The following GRID2 variants were observed in gnomAD, a reference collection of about 807,000 sequenced individuals.
GRID2 encodes the protein glutamate receptor ionotropic, delta-2.
A neutral mutation model predicts 114.8 loss-of-function variants in GRID2; 33 were observed. The ratio of observed to expected loss-of-function variants is 0.29; its 90% confidence interval spans 0.22 to 0.38. The LOEUF (loss-of-function observed/expected upper bound fraction) is 0.38, where lower values mean the gene tolerates loss of function less well. GRID2 is among the 10% of genes least tolerant of loss of function. The pLI is 1.00. For synonymous variants in GRID2, 505 were observed against 449.9 expected, an observed-to-expected ratio of 1.12 and a Z score of -1.55; for missense variants, 1,184 against 1,257.7, an observed-to-expected ratio of 0.94 and a Z score of 0.89.
chr4:92,560,498 G>A lies in GRID2; in HGVS notation c.89-29633G>A, dbSNP rs115099361. Among the ~76,000 whole-genome samples the A allele has an allele frequency of 4.6e-3, 702 of 152,192 alleles. 1 individual carries two copies. The highest frequency in any genetic ancestry group is 7.7e-3 in the Non-Finnish European group (522 of 68,008). On this transcript the variant is annotated intron_variant, in intron 1 of 15. Coordinates refer to ENST00000282020, the MANE Select transcript of GRID2 (RefSeq NM_001510.4). Reference sequence around the variant, plus strand: ...AAAAGGGGAGACTGAATATTACATTGAGGATGAACTGCAAAATACTAAAGT... The same window carrying A: ...AAAAGGGGAGACTGAATATTACATTAAGGATGAACTGCAAAATACTAAAGT...
intron 2 of GRID2, among the ~76,000 whole-genome samples, chr4:92,698,890 A>G (rs1734540876): frequency 6.6e-6 from 1 of 152,172 alleles, no homozygotes; most frequent in African/African-American, 2.4e-5. Context: ...AACTACGTAC[A>G]GAATATAGAA....
At chr4:92,932,329 C>G (rs568053985) in intron 2 of GRID2, among the ~76,000 whole-genome samples, 20 of 151,286 alleles carry the variant, frequency 1.3e-4, no homozygotes, top group African/African-American at 3.4e-4. Context: ...ATTAAAACCA[C>G]AAGATAAGGT....
intron 2 of GRID2, among the ~76,000 whole-genome samples, chr4:93,039,741 G>A (rs951599314): frequency 5.3e-5 from 8 of 151,928 alleles, no homozygotes; most frequent in East Asian, 1.9e-4. Context: ...CTCAAATCCC[G>A]GCTCATACTA....
chr4:93,367,193 T>A (rs1382826985), intron 8 of GRID2, among the ~76,000 whole-genome samples: 2 of 139,610 alleles, frequency 1.4e-5, no homozygotes, highest in African/African-American at 5.0e-5. Context: ...GCTTTATTTT[T>A]TTTTTTTTAA....
intron 2 of GRID2, among the ~76,000 whole-genome samples, chr4:92,912,643 A>T (rs1265805543): frequency 6.6e-6 from 1 of 151,898 alleles, no homozygotes; most frequent in African/African-American, 2.4e-5. Context: ...TTTTAACATT[A>T]TTCTGATTTT....
chr4:93,089,093 G>A (rs1730567625), intron 3 of GRID2, among the ~76,000 whole-genome samples: 2 of 152,068 alleles, frequency 1.3e-5, no homozygotes, highest in South Asian at 4.1e-4. Flanking sequence ...AGCTGAAGTA[G>A]TGGGAGGTCA....
At chr4:92,949,553 G>A (rs745619294) in intron 2 of GRID2, among the ~76,000 whole-genome samples, 1 of 151,590 alleles carries the variant, frequency 6.6e-6, no homozygotes, top group Admixed American at 6.6e-5. Context: ...GGAGCTAAAT[G>A]TGCCTCCACT....
At chr4:93,440,594 A>G (rs1040302982) in intron 10 of GRID2, among the ~76,000 whole-genome samples, 7 of 152,164 alleles carry the variant, frequency 4.6e-5, no homozygotes, top group Admixed American at 3.3e-4. Flanking sequence ...AAACTAAAAT[A>G]TAGATATGGG....
At chr4:93,046,079 A>G (rs1726108579) in intron 2 of GRID2, among the ~76,000 whole-genome samples, 1 of 152,140 alleles carries the variant, frequency 6.6e-6, no homozygotes, top group South Asian at 2.1e-4. Context: ...GGTCATTAAT[A>G]GAAAATGAAC....
intron 14 of GRID2, among the ~76,000 whole-genome samples, chr4:93,758,950 G>A (rs570354250): frequency 1.8e-4 from 28 of 151,694 alleles, no homozygotes; most frequent in African/African-American, 6.0e-4. Context: ...CACCAAAAGC[G>A]TTCTCTTTCC....
chr4:92,849,306 G>T (rs1279122753), intron 2 of GRID2, among the ~76,000 whole-genome samples: 2 of 151,832 alleles, frequency 1.3e-5, no homozygotes, highest in Non-Finnish European at 1.5e-5. Context: ...TATCTGCAGG[G>T]CCTGGTTTCT....
At chr4:92,764,997 C>A (rs979902564) in intron 2 of GRID2, among the ~76,000 whole-genome samples, 3 of 152,042 alleles carry the variant, frequency 2.0e-5, no homozygotes, top group Non-Finnish European at 4.4e-5. Context: ...ATAACTCATT[C>A]CCTCTTTATA....
chr4:92,489,823 G>A (rs1371388765), intron 1 of GRID2, among the ~76,000 whole-genome samples: 1 of 151,012 alleles, frequency 6.6e-6, no homozygotes, highest in East Asian at 1.9e-4. Context: ...TCCAGCCTGG[G>A]CGATAGAGCG....
At chr4:93,284,008 G>T (rs951693206) in intron 8 of GRID2, among the ~76,000 whole-genome samples, 9 of 151,946 alleles carry the variant, frequency 5.9e-5, no homozygotes, top group African/African-American at 1.5e-4. Flanking sequence ...AGGTTTCACT[G>T]TTCATTACTT....
At chr4:93,253,381 T>C (rs1371567342) in intron 8 of GRID2, among the ~76,000 whole-genome samples, 6 of 152,162 alleles carry the variant, frequency 3.9e-5, no homozygotes, top group Admixed American at 2.6e-4. Context: ...AAAAAGAACA[T>C]TTAAAAATTA....
At chr4:92,494,588 G>C (rs911798157) in intron 1 of GRID2, among the ~76,000 whole-genome samples, 3 of 152,066 alleles carry the variant, frequency 2.0e-5, no homozygotes, top group Admixed American at 6.6e-5. Flanking sequence ...AGTTGGGCAA[G>C]GTTACCAGGA....
intron 14 of GRID2, among the ~76,000 whole-genome samples, chr4:93,659,134 T>C (rs1723265523): frequency 6.6e-6 from 1 of 151,858 alleles, no homozygotes; most frequent in Non-Finnish European, 1.5e-5. Context: ...TTACCAGGCT[T>C]CCAAGTTTTG....
In GRID2 at chr4:92,682,792, TG is replaced by T. The variant is rs1733713080; in HGVS notation, c.244+92509del. 2.0e-5 allele frequency among the ~76,000 whole-genome samples: 3 copies of T among 151,986 alleles called. No individual in the cohort carries two copies. In the South Asian group the frequency reaches 6.2e-4, roughly 32 times the overall value. On this transcript the variant is annotated intron_variant, in intron 2 of 15. Transcript: ENST00000282020. ...GTGGAATGAAAACTTGGAAGGCACCTGGGTTATTGAGGACATCCTTATGTCA... is the reference window on the plus strand; with the variant it reads ...GTGGAATGAAAACTTGGAAGGCACCTGGTTATTGAGGACATCCTTATGTCA...
intron 9 of GRID2, 53 bp from the exon 10 acceptor site, chr4:93,422,718 C>A: frequency 7.3e-6 from 8 of 1,099,250 alleles, no homozygotes; most frequent in Admixed American, 1.9e-5. Context: ...TTAATCTTTG[C>A]TTTTAGGGAG....
Sources: allele counts gnomAD v4.1 joint callset (sites outside exome capture counted in the v4.1 genomes callset), GRCh38; gene constraint gnomAD v4.1.1; transcripts MANE v1.5; gene names NCBI Gene and HGNC (gene_info 2026-07-23, HGNC 2026-07-21).